KCTD16: variants seen among roughly 807,000 people sequenced by gnomAD.
KCTD16 encodes BTB/POZ domain-containing protein KCTD16.
In KCTD16, 13 loss-of-function variants were observed where a neutral mutation model predicts 33.2. The observed-to-expected ratio is 0.39, with a 90% CI of 0.25 to 0.62. The LOEUF is 0.62. KCTD16 is among the 20% of genes least tolerant of loss of function. The pLI, the probability that KCTD16 is intolerant of heterozygous loss-of-function variation, is 0.50. For synonymous variants in KCTD16, 197 were observed against 195.3 expected (o/e 1.01, Z -0.07); for missense variants, 441 against 525.1 (o/e 0.84, Z 1.57).
intron 3 of KCTD16, among the ~76,000 whole-genome samples, chr5:144,235,770 A>G (rs1017495244): frequency 6.6e-6 from 1 of 152,086 alleles, no homozygotes; most frequent in African/African-American, 2.4e-5. Context: ...TTGAAAATTC[A>G]TGCCCATGGA....
chr5:144,442,908 T>C (rs1753744895), intron 3 of KCTD16, among the ~76,000 whole-genome samples: 1 of 152,086 alleles, frequency 6.6e-6, no homozygotes, highest in South Asian at 2.1e-4. Context: ...TTGTTGTTGT[T>C]GTTTTTTCCT....
At chr5:144,382,557 A>G (rs1752240040) in intron 3 of KCTD16, among the ~76,000 whole-genome samples, 1 of 152,162 alleles carries the variant, frequency 6.6e-6, no homozygotes, top group Non-Finnish European at 1.5e-5. Context: ...ATGAATGAAT[A>G]TGGAATAGAA....
At chr5:144,236,125 A>C (rs1459357844) in intron 3 of KCTD16, among the ~76,000 whole-genome samples, 3 of 152,148 alleles carry the variant, frequency 2.0e-5, no homozygotes, top group Non-Finnish European at 4.4e-5. Context: ...AAGATAGATA[A>C]AAAAATTGTC....
rs966544348 is a variant in KCTD16, at chr5:144,444,860, T to C, written c.833-28800T>C. On this transcript the variant is annotated intron_variant, in intron 3 of 3. Transcript: ENST00000512467. ...AATGTAATATATATATATATATGTG[T>C]GTGTGCATGTATATATAAATACTTT... Among the ~76,000 whole-genome samples, 9 of 150,376 alleles carry C rather than the reference T, an allele frequency of 6.0e-5. No individual in the cohort carries two copies. In the East Asian group the frequency reaches 1.2e-3, roughly 20 times the overall value.
chr5:144,364,161 A>G (rs968625034), intron 3 of KCTD16, among the ~76,000 whole-genome samples: 1 of 152,182 alleles, frequency 6.6e-6, no homozygotes, highest in Non-Finnish European at 1.5e-5. Flanking sequence ...ACCAAATTCA[A>G]GCCCCTTCTA....
chr5:144,192,712 C>T (rs1752866743), intron 2 of KCTD16, among the ~76,000 whole-genome samples: 1 of 152,116 alleles, frequency 6.6e-6, no homozygotes. Context: ...CAAAAACCAG[C>T]ACCACTTTCT....
chr5:144,260,543 C>T (rs1198047703), intron 3 of KCTD16, among the ~76,000 whole-genome samples: 1 of 152,156 alleles, frequency 6.6e-6, no homozygotes, highest in Non-Finnish European at 1.5e-5. Context: ...AAGAGCAAGG[C>T]ACAGTAAGGC....
chr5:144,450,499 A>G (rs775425059), intron 3 of KCTD16, among the ~76,000 whole-genome samples: 4 of 152,120 alleles, frequency 2.6e-5, no homozygotes, highest in Non-Finnish European at 2.9e-5. Context: ...CTGCACTCTC[A>G]TATTCATTGT....
intron 2 of KCTD16, among the ~76,000 whole-genome samples, chr5:144,178,575 A>C (rs895878331): frequency 1.3e-5 from 2 of 152,170 alleles, no homozygotes; most frequent in Non-Finnish European, 2.9e-5. Flanking sequence ...ATTCTTCTGC[A>C]GTCCTAATTT....
chr5:144,444,173 A>G (rs1753769984), intron 3 of KCTD16, among the ~76,000 whole-genome samples: 1 of 151,946 alleles, frequency 6.6e-6, no homozygotes, highest in Admixed American at 6.6e-5. Flanking sequence ...AGAGAGAGTC[A>G]AAATACACAA....
intron 3 of KCTD16, among the ~76,000 whole-genome samples, chr5:144,355,880 A>G (rs1242858783): frequency 1.3e-5 from 2 of 152,058 alleles, no homozygotes; most frequent in East Asian, 1.9e-4. Context: ...TAAAAATCCT[A>G]TCTATTCTTG....
intron 3 of KCTD16, among the ~76,000 whole-genome samples, chr5:144,342,187 T>C (rs979950346): frequency 3.3e-5 from 5 of 152,192 alleles, no homozygotes; most frequent in African/African-American, 1.2e-4. Flanking sequence ...TTTCACGATA[T>C]TGATTCTTCC....
chr5:144,415,969 C>A (rs989103807), intron 3 of KCTD16, among the ~76,000 whole-genome samples: 4 of 152,142 alleles, frequency 2.6e-5, no homozygotes, highest in African/African-American at 7.2e-5. Flanking sequence ...TAGAAAGTTT[C>A]TGATTACACA....
intron 3 of KCTD16, among the ~76,000 whole-genome samples, chr5:144,288,225 G>A (rs1267899415): frequency 6.6e-6 from 1 of 152,212 alleles, no homozygotes; most frequent in Non-Finnish European, 1.5e-5. Flanking sequence ...ACAGAAAAGA[G>A]TGGCTTAAAT....
intron 3 of KCTD16, among the ~76,000 whole-genome samples, chr5:144,442,432 T>TTC (rs1331735793): frequency 8.6e-5 from 13 of 151,804 alleles, no homozygotes; most frequent in African/African-American, 2.7e-4. Flanking sequence ...TCTTTTTCTT[T>TTC]TCTTTTCTCT....
At chr5:144,393,572 A>AGT (rs747901288) in intron 3 of KCTD16, among the ~76,000 whole-genome samples, 11 of 151,438 alleles carry the variant, frequency 7.3e-5, no homozygotes, top group African/African-American at 1.2e-4. Context: ...AGAGAGTGTG[A>AGT]GTGTGTGTGT....
intron 3 of KCTD16, among the ~76,000 whole-genome samples, chr5:144,410,309 A>C (rs1475593235): frequency 6.6e-6 from 1 of 152,204 alleles, no homozygotes; most frequent in African/African-American, 2.4e-5. Context: ...TGCAGCTGTT[A>C]AATTATTTAT....
At chr5:144,446,147 T>A (rs990276739) in intron 3 of KCTD16, among the ~76,000 whole-genome samples, 1 of 152,056 alleles carries the variant, frequency 6.6e-6, no homozygotes, top group East Asian at 1.9e-4. Flanking sequence ...GTCATATATG[T>A]CCATGAGTTT....
chr5:144,205,438 A>G, intron 2 of KCTD16: 1 of 398,568 alleles, frequency 2.5e-6, no homozygotes. Context: ...CCGCCGCCAG[A>G]GAAGCCGGAG....
Sources: gnomAD v4.1 joint callset for allele counts (sites outside exome capture counted in the v4.1 genomes callset) on GRCh38, gnomAD v4.1.1 for gene constraint, MANE v1.5 for transcripts, NCBI Gene and HGNC (gene_info 2026-07-23, HGNC 2026-07-21) for gene names.